The following FILIP1 variants were observed in gnomAD, a reference collection of about 807,000 sequenced individuals.
The protein encoded by FILIP1 is filamin-A-interacting protein 1.
FILIP1 carries 61 observed loss-of-function variants against 102.1 expected under a neutral mutation model. The ratio of observed to expected loss-of-function variants is 0.60; its 90% CI spans 0.49 to 0.74. FILIP1 has a LOEUF of 0.74. FILIP1 is among the 30% of genes least tolerant of loss of function. The probability of loss-of-function intolerance (pLI) is 0.00; values close to 1 mark genes in which losing one functional copy is unlikely to be tolerated. For missense variants in FILIP1, 1,314 were observed against 1,441.2 expected, an observed-to-expected ratio of 0.91 and a Z score of 1.43; for synonymous variants, 491 against 526.9, an observed-to-expected ratio of 0.93 and a Z score of 0.93.
rs544311401 is a variant in FILIP1, at chr6:75,331,461, G to A, written c.630-16259C>T. ...AAGATGGGCAGAATGTCTCCTCCCC[G>A]TTGTCAGTGTATTAGGGGATAGGAA... On this transcript the variant is annotated intron_variant, in intron 4 of 5. Coordinates refer to ENST00000237172, the MANE Select transcript of FILIP1 (RefSeq NM_015687.5). 3.3e-5 allele frequency among the ~76,000 whole-genome samples: 5 copies of A among 152,242 alleles called. No homozygotes were observed. The South Asian group carries it at 6.2e-4, about 19-fold the overall frequency.
intron 4 of FILIP1, among the ~76,000 whole-genome samples, chr6:75,317,260 G>T (rs572555548): frequency 4.6e-5 from 7 of 152,172 alleles, no homozygotes; most frequent in Non-Finnish European, 8.8e-5. Context: ...GCAATTTTTT[G>T]TGTGTGAAAA....
chr6:75,370,097 C>T (rs1046346298), intron 2 of FILIP1, among the ~76,000 whole-genome samples: 1 of 152,196 alleles, frequency 6.6e-6, no homozygotes. Context: ...CAAGCACTAT[C>T]GCTTCTTTGT....
Position 75,414,912 on chromosome 6 carries a change from G to T in FILIP1, c.61C>A (p.Pro21Thr), listed in dbSNP as rs770572952. The change falls in exon 2 of 6, where the codon CCC (proline) becomes ACC (threonine). Residue 21 changes from proline (P) to threonine (T), a missense_variant. Transcript: ENST00000237172. The stretch of plus-strand genomic sequence containing the variant: ...TCACCAGCATTGCCGATGATGGAGG[G>T]CTTGGGACAGGAGATATGCCCATCA... ...ASDGHISCPKPSIIGNAGEKS... is the reference protein window; with the variant it reads ...ASDGHISCPKTSIIGNAGEKS... 8 of 1,613,784 alleles carry T rather than the reference G, an allele frequency of 5.0e-6. No homozygotes were observed. Among genetic ancestry groups the T allele is most frequent in the Non-Finnish European group, 6.8e-6 (8 of 1,179,852 alleles).
At chr6:75,423,442 C>T (rs1006629729) in intron 1 of FILIP1, among the ~76,000 whole-genome samples, 3 of 152,058 alleles carry the variant, frequency 2.0e-5, no homozygotes, top group African/African-American at 4.8e-5. Flanking sequence ...TCAGAAGAAG[C>T]TCCAAAGCAC....
chr6:75,465,339 G>A, intron 1 of FILIP1: 1 of 411,054 alleles, frequency 2.4e-6, no homozygotes, highest in Non-Finnish European at 4.4e-6. Context: ...ATAAAATGTG[G>A]ACCTAAATAA....
chr6:75,413,358 A>G (rs1228264021), intron 2 of FILIP1, among the ~76,000 whole-genome samples: 1 of 152,152 alleles, frequency 6.6e-6, no homozygotes, highest in Non-Finnish European at 1.5e-5. Context: ...AACACTAACC[A>G]CATTTCTGGG....
At position 75,315,161 on chromosome 6, in the gene FILIP1, C is replaced by A. The variant is rs764835248; in HGVS notation, c.671G>T (p.Arg224Leu). 1.5e-5 allele frequency: 24 copies of A among 1,585,150 alleles called. No homozygotes were observed. The highest frequency in any genetic ancestry group is 1.3e-4 in the South Asian group (11 of 84,874). ...TCGTTTAGCATTTTCCTTTTCTTTG[C>A]GGGCTTGATAAGCCTTTTCTTGTTC... Reference protein sequence around the residue: ...LLEQEKAYQARKEKENAKRLN... With the variant: ...LLEQEKAYQALKEKENAKRLN... The change falls in exon 5 of 6, where the codon CGC (arginine) becomes CTC (leucine). Residue 224 changes from arginine to leucine, a missense_variant. By Grantham distance (102) the Arg-to-Leu change is moderately radical. Around this residue, in one of 3 missense-constraint regions of FILIP1, gnomAD observed 494 missense variants for 511.2 expected, o/e 0.97. Transcript: ENST00000237172.
chr6:75,476,422 C>G (rs1490840569), intron 1 of FILIP1, among the ~76,000 whole-genome samples: 1 of 152,080 alleles, frequency 6.6e-6, no homozygotes, highest in Non-Finnish European at 1.5e-5. Flanking sequence ...ATTATACCCT[C>G]AGTTGAATCA....
intron 4 of FILIP1, among the ~76,000 whole-genome samples, chr6:75,330,600 A>G (rs934715631): frequency 6.6e-6 from 1 of 152,194 alleles, no homozygotes; most frequent in Non-Finnish European, 1.5e-5. Flanking sequence ...CTTTTTCTTC[A>G]TAAGAGAAGA....
At chr6:75,340,881 T>C (rs1245219778) in intron 4 of FILIP1, among the ~76,000 whole-genome samples, 1 of 148,628 alleles carries the variant, frequency 6.7e-6, no homozygotes, top group Non-Finnish European at 1.5e-5. Flanking sequence ...TTTTTTTTTT[T>C]TTTGTAAAGA....
intron 4 of FILIP1, among the ~76,000 whole-genome samples, chr6:75,332,812 G>A (rs1226132728): frequency 6.6e-6 from 1 of 152,120 alleles, no homozygotes; most frequent in East Asian, 1.9e-4. Flanking sequence ...GAACATAACA[G>A]GAGGAGCTGG....
intron 4 of FILIP1, among the ~76,000 whole-genome samples, chr6:75,345,749 G>C (rs1034882393): frequency 1.4e-4 from 21 of 152,284 alleles, no homozygotes; most frequent in Admixed American, 3.3e-4. Flanking sequence ...CCCACAAAGA[G>C]AGAGACAGCT....
intron 1 of FILIP1, among the ~76,000 whole-genome samples, chr6:75,476,471 C>A (rs1046050478): frequency 4.6e-5 from 7 of 152,048 alleles, no homozygotes; most frequent in African/African-American, 1.2e-4. Context: ...ACTGAACAAA[C>A]AAGTCAACCA....
exon 7 of FILIP1, chr6:75,295,607 T>A (rs1772647496): frequency 8.8e-6 from 2 of 226,966 alleles, no homozygotes; most frequent in Non-Finnish European, 1.7e-5. Context: ...GCAAAAAAAA[T>A]CACATTACAA....
chr6:75,304,909 G>A (rs1420490354), downstream of FILIP1, among the ~76,000 whole-genome samples: 1 of 152,084 alleles, frequency 6.6e-6, no homozygotes, highest in Non-Finnish European at 1.5e-5. Context: ...AATAAAAAGT[G>A]ACTAATGATA....
At chr6:75,334,260 C>G (rs1774170152) in intron 4 of FILIP1, among the ~76,000 whole-genome samples, 3 of 152,210 alleles carry the variant, frequency 2.0e-5, no homozygotes, top group Admixed American at 2.0e-4. Flanking sequence ...ACAAACTCCC[C>G]AAGGTTTCTG....
chr6:75,418,707 T>TA (rs1441934034), intron 1 of FILIP1, among the ~76,000 whole-genome samples: 9 of 152,112 alleles, frequency 5.9e-5, no homozygotes, highest in Non-Finnish European at 1.3e-4. Context: ...GTATATCCTT[T>TA]AAAAAAAGGT....
downstream of FILIP1, among the ~76,000 whole-genome samples, chr6:75,307,205 A>C (rs566349911): frequency 3.9e-5 from 6 of 152,284 alleles, no homozygotes; most frequent in Admixed American, 2.0e-4. Flanking sequence ...ATCTACCACC[A>C]CTATATACAA....
chr6:75,353,026 G>C (rs760718983), intron 4 of FILIP1, among the ~76,000 whole-genome samples: 2 of 149,652 alleles, frequency 1.3e-5, no homozygotes, highest in Non-Finnish European at 3.0e-5. Context: ...CTTACACGGG[G>C]TGGGGAATAT....
Sources: gnomAD v4.1 joint callset for allele counts (sites outside exome capture counted in the v4.1 genomes callset) on GRCh38, gnomAD v4.1.1 for gene constraint, gnomAD v4.1.1 regional missense constraint, MANE v1.5 for transcripts, NCBI Gene and HGNC (gene_info 2026-07-23, HGNC 2026-07-21) for gene names.